The following RASA1 variants were observed in gnomAD, a reference collection of about 807,000 sequenced individuals.
The protein encoded by RASA1 is RAS p21 protein activator 1, also known as ras GTPase-activating protein 1.
RASA1 carries 25 observed loss-of-function variants against 132.2 expected under a neutral mutation model. The observed-to-expected ratio is 0.19, with a 90% CI of 0.14 to 0.26. The LOEUF is 0.26. RASA1 is among the 10% of genes least tolerant of loss of function. The probability of loss-of-function intolerance (pLI) is 1.00; values close to 1 mark genes in which losing one functional copy is unlikely to be tolerated. For missense variants in RASA1, 964 were observed against 1,299.2 expected (o/e 0.74, Z 3.97); for synonymous variants, 477 against 449.9 (o/e 1.06, Z -0.76).
chr5:87,306,690 A>G (rs1755629600), intron 1 of RASA1, among the ~76,000 whole-genome samples: 1 of 151,644 alleles, frequency 6.6e-6, no homozygotes, highest in African/African-American at 2.4e-5. Flanking sequence ...CCTTTTTTTT[A>G]AGAAAAAAAG....
At chr5:87,301,197 CT>C (rs1490815353) in intron 1 of RASA1, among the ~76,000 whole-genome samples, 1 of 151,868 alleles carries the variant, frequency 6.6e-6, no homozygotes, top group Non-Finnish European at 1.5e-5. Context: ...TTTTGACTGT[CT>C]AATGTTTTAT....
At chr5:87,369,237 T>C (rs749356985) in intron 11 of RASA1, among the ~76,000 whole-genome samples, 5 of 152,182 alleles carry the variant, frequency 3.3e-5, no homozygotes, top group Non-Finnish European at 7.4e-5. Context: ...TATTACCTAA[T>C]ATTGTACTTA....
At chr5:87,297,762 T>C (rs1313379362) in intron 1 of RASA1, among the ~76,000 whole-genome samples, 1 of 152,174 alleles carries the variant, frequency 6.6e-6, no homozygotes, top group Non-Finnish European at 1.5e-5. Flanking sequence ...TGTAAGGGCA[T>C]AGTAGAGCTC....
At chr5:87,302,837 A>G (rs1755434767) in intron 1 of RASA1, among the ~76,000 whole-genome samples, 1 of 152,010 alleles carries the variant, frequency 6.6e-6, no homozygotes. Context: ...GCTTTATATA[A>G]TAACATTGAA....
intron 21 of RASA1, 99 bp from the exon 22 acceptor site, chr5:87,385,202 G>C: frequency 1.2e-6 from 1 of 821,326 alleles, no homozygotes; most frequent in Non-Finnish European, 2.1e-6. Flanking sequence ...ATGGGTAGTA[G>C]TTTAACAGTA....
intron 14 of RASA1, 81 bp downstream of exon 14, chr5:87,374,401 A>G (rs1205465815): frequency 2.4e-6 from 3 of 1,244,608 alleles, no homozygotes; most frequent in Admixed American, 3.8e-5. Context: ...CTCTGTATCT[A>G]AACCATCAGA....
intron 5 of RASA1, among the ~76,000 whole-genome samples, chr5:87,339,871 T>C (rs1758311031): frequency 1.3e-5 from 2 of 152,146 alleles, no homozygotes; most frequent in African/African-American, 4.8e-5. Context: ...TCTTTGTAGA[T>C]TGAAAAACCA....
intron 1 of RASA1, among the ~76,000 whole-genome samples, chr5:87,309,601 A>G (rs1005697397): frequency 4.6e-5 from 7 of 152,126 alleles, no homozygotes; most frequent in African/African-American, 1.7e-4. Context: ...GTAAACAGCC[A>G]CAGTGATGAT....
chr5:87,337,048 G>C (rs1181582858), intron 4 of RASA1, among the ~76,000 whole-genome samples: 7 of 151,954 alleles, frequency 4.6e-5, no homozygotes. Context: ...ATTTTGATTT[G>C]TGAATATTAA....
chr5:87,327,690 T>C (rs1757327298), intron 1 of RASA1, among the ~76,000 whole-genome samples: 1 of 152,094 alleles, frequency 6.6e-6, no homozygotes, highest in South Asian at 2.1e-4. Flanking sequence ...TTTGGCTGGG[T>C]GCAGTGGCTC....
chr5:87,333,503 T>C (rs1224913169), intron 4 of RASA1, among the ~76,000 whole-genome samples, 166 bp downstream of exon 4: 1 of 152,214 alleles, frequency 6.6e-6, no homozygotes, highest in East Asian at 1.9e-4. Context: ...GGTTGGCTTA[T>C]TTGTTCAGAC....
At chr5:87,350,316 G>A (rs147900241) in intron 8 of RASA1, among the ~76,000 whole-genome samples, 1 of 151,930 alleles carries the variant, frequency 6.6e-6, no homozygotes, top group Admixed American at 6.6e-5. Flanking sequence ...GACAATCTGA[G>A]TTCTAGATGT....
At chr5:87,329,803 C>T (rs1259276569) in intron 1 of RASA1, among the ~76,000 whole-genome samples, 2 of 151,982 alleles carry the variant, frequency 1.3e-5, no homozygotes, top group Non-Finnish European at 2.9e-5. Context: ...TAAGGATATC[C>T]CATATATTTT....
At chr5:87,341,267 C>A (rs1758419663) in intron 5 of RASA1, 23 bp from the exon 6 acceptor site, 1 of 1,257,918 alleles carries the variant, frequency 7.9e-7, no homozygotes. Flanking sequence ...ATATAAAATA[C>A]TGTCTTAATG....
intron 9 of RASA1, among the ~76,000 whole-genome samples, chr5:87,361,337 A>T (rs1409777171): frequency 6.6e-6 from 1 of 152,200 alleles, no homozygotes; most frequent in Non-Finnish European, 1.5e-5. Context: ...ATTTTGTAGC[A>T]TTAACTTGGG....
intron 1 of RASA1, among the ~76,000 whole-genome samples, chr5:87,303,352 A>AT (rs534267434): frequency 0.01 from 1,489 of 142,280 alleles, 7 homozygotes; most frequent in Admixed American, 0.014. Flanking sequence ...ATTGTGTCCT[A>AT]TTTTTTTTTT....
intron 11 of RASA1, among the ~76,000 whole-genome samples, chr5:87,365,539 T>A (rs904791181): frequency 1.3e-5 from 2 of 152,120 alleles, no homozygotes; most frequent in Non-Finnish European, 2.9e-5. Flanking sequence ...GTTTTAATTA[T>A]CGTAAAATAT....
intron 1 of RASA1, among the ~76,000 whole-genome samples, chr5:87,269,661 T>A (rs1326175398): frequency 6.6e-6 from 1 of 152,238 alleles, no homozygotes; most frequent in African/African-American, 2.4e-5. Flanking sequence ...TAGTGGAGAC[T>A]TTGGAAGTAC....
intron 1 of RASA1, among the ~76,000 whole-genome samples, chr5:87,311,991 A>G (rs1231716621): frequency 6.6e-6 from 1 of 152,246 alleles, no homozygotes. Flanking sequence ...CCTTTACTGC[A>G]TACTGGTGAT....
Sources: gnomAD v4.1 joint callset for allele counts (sites outside exome capture counted in the v4.1 genomes callset) on GRCh38, gnomAD v4.1.1 for gene constraint, MANE v1.5 for transcripts, NCBI Gene and HGNC (gene_info 2026-07-23, HGNC 2026-07-21) for gene names.